PHF24: variants seen among roughly 807,000 people sequenced by gnomAD.
PHF24 encodes the protein Galpha inhibitory interacting protein.
Under a neutral mutation model 42.6 loss-of-function variants are expected in PHF24, and 25 were observed. The ratio of observed to expected loss-of-function variants is 0.59; its 90% CI spans 0.43 to 0.82. The LOEUF is 0.82. Ranked by LOEUF, PHF24 falls within the 40% of genes least tolerant of loss-of-function variation. The pLI is 0.00. For synonymous variants in PHF24, 185 were observed against 204.8 expected (o/e 0.90, Z 0.83); for missense variants, 470 against 538.1 (o/e 0.87, Z 1.25).
the PHF24 span, among the ~76,000 whole-genome samples, chr9:34,729,993 G>A: frequency 0.14 from 20,573 of 152,156 alleles, 1,521 homozygotes; most frequent in Middle Eastern, 0.27. Context: ...TGGTAGGGTG[G>A]TAGGGAGAGG....
chr9:34,910,755 C>T, the PHF24 span, among the ~76,000 whole-genome samples: 1 of 151,502 alleles, frequency 6.6e-6, no homozygotes, highest in Non-Finnish European at 1.5e-5. Flanking sequence ...GAGTCTCTAA[C>T]TTTTAGTTTA....
the PHF24 span, among the ~76,000 whole-genome samples, chr9:34,788,988 A>G: frequency 6.6e-6 from 1 of 152,086 alleles, no homozygotes; most frequent in Non-Finnish European, 1.5e-5. Flanking sequence ...AGATGTGACC[A>G]CTCTACAACA....
the PHF24 span, among the ~76,000 whole-genome samples, chr9:34,714,823 C>G: frequency 6.6e-6 from 1 of 152,164 alleles, no homozygotes; most frequent in Non-Finnish European, 1.5e-5. Context: ...TTCCTAAAAG[C>G]TTAGGCTTGC....
At chr9:34,975,596 C>T (rs1827157717) in intron 3 of PHF24, among the ~76,000 whole-genome samples, 1 of 152,246 alleles carries the variant, frequency 6.6e-6, no homozygotes, top group Non-Finnish European at 1.5e-5. Flanking sequence ...TACAAAAAAA[C>T]TCATTTGGCT....
the PHF24 span, among the ~76,000 whole-genome samples, chr9:34,936,092 C>T: frequency 3.3e-5 from 5 of 151,534 alleles, no homozygotes; most frequent in Non-Finnish European, 2.9e-5. Flanking sequence ...CTCTCCCTCT[C>T]TTTCCACGGT....
the PHF24 span, among the ~76,000 whole-genome samples, chr9:34,769,885 A>G: frequency 6.6e-6 from 1 of 152,224 alleles, no homozygotes. Flanking sequence ...CATAGGTTGT[A>G]TCATATACTT....
the PHF24 span, among the ~76,000 whole-genome samples, chr9:34,920,370 T>A: frequency 0.46 from 69,686 of 152,002 alleles, 16,434 homozygotes; most frequent in Non-Finnish European, 0.51. Context: ...TTGACCTATG[T>A]GTCTGTTTTT....
the PHF24 span, among the ~76,000 whole-genome samples, chr9:34,850,608 A>G: frequency 6.6e-6 from 1 of 152,240 alleles, no homozygotes; most frequent in African/African-American, 2.4e-5. Flanking sequence ...AACTCGTCGA[A>G]GTCATTCTCC....
the PHF24 span, among the ~76,000 whole-genome samples, chr9:34,715,464 C>G: frequency 6.6e-6 from 1 of 152,156 alleles, no homozygotes; most frequent in Admixed American, 6.5e-5. Flanking sequence ...CCAAGCTCCT[C>G]TCAGTCCTCA....
the PHF24 span, among the ~76,000 whole-genome samples, chr9:34,792,080 TGAG>T: frequency 9.9e-5 from 15 of 152,188 alleles, no homozygotes; most frequent in East Asian, 1.9e-4. Flanking sequence ...ATTAAGATGA[TGAG>T]GAGATTATTT....
the PHF24 span, among the ~76,000 whole-genome samples, chr9:34,818,816 A>G: frequency 6.6e-6 from 1 of 152,302 alleles, no homozygotes; most frequent in East Asian, 1.9e-4. Context: ...TGCTCACCTC[A>G]GAATGAGTTG....
the PHF24 span, among the ~76,000 whole-genome samples, chr9:34,905,614 AGCTTCAT>A: frequency 6.6e-6 from 1 of 152,196 alleles, no homozygotes; most frequent in Non-Finnish European, 1.5e-5. Context: ...GATCTGGGAA[AGCTTCAT>A]GTAGAAGATG....
chr9:34,953,851 G>A (rs7872866), upstream of PHF24, among the ~76,000 whole-genome samples: 119,347 of 151,946 alleles, frequency 0.79, 47,207 homozygotes, highest in East Asian at 0.97. The surrounding 1 kb of genome is among the most constrained non-coding windows in gnomAD (Gnocchi z 4.1). Context: ...CGAGAGGATA[G>A]CTTGAGCCTG....
At chr9:34,845,785 T>C in the PHF24 span, among the ~76,000 whole-genome samples, 4 of 128,266 alleles carry the variant, frequency 3.1e-5, no homozygotes, top group African/African-American at 1.2e-4. Flanking sequence ...GAGTGTGATG[T>C]TCCCCTTCCT....
chr9:34,907,042 G>C, the PHF24 span, among the ~76,000 whole-genome samples: 1 of 152,092 alleles, frequency 6.6e-6, no homozygotes, highest in Admixed American at 6.6e-5. Context: ...GCCCAGGCTG[G>C]TCCCAAACTC....
the PHF24 span, among the ~76,000 whole-genome samples, chr9:34,855,429 A>G: frequency 6.6e-6 from 1 of 152,088 alleles, no homozygotes; most frequent in African/African-American, 2.4e-5. Context: ...TCCTTTCCCT[A>G]TGTAGTGCTT....
At chr9:34,788,377 GAC>G in the PHF24 span, among the ~76,000 whole-genome samples, 1 of 151,964 alleles carries the variant, frequency 6.6e-6, no homozygotes, top group Admixed American at 6.6e-5. Flanking sequence ...CAAAATCCAC[GAC>G]TCTCAAACAA....
the PHF24 span, among the ~76,000 whole-genome samples, chr9:34,687,812 G>A: frequency 6.6e-6 from 1 of 152,332 alleles, no homozygotes; most frequent in African/African-American, 2.4e-5. Context: ...GCTGGGATGC[G>A]GGGCACGGGG....
chr9:34,873,774 G>T, the PHF24 span, among the ~76,000 whole-genome samples: 1 of 150,344 alleles, frequency 6.7e-6, no homozygotes, highest in Non-Finnish European at 1.5e-5. Flanking sequence ...GGATGGCATT[G>T]AATCTATAAA....
Sources: allele counts gnomAD v4.1 joint callset (sites outside exome capture counted in the v4.1 genomes callset), GRCh38; gene constraint gnomAD v4.1.1; non-coding constraint Gnocchi (gnomAD v3.1); transcripts MANE v1.5; gene names NCBI Gene and HGNC (gene_info 2026-07-23, HGNC 2026-07-21).